The following REXO1 variants were observed in gnomAD, a reference collection of about 807,000 sequenced individuals.
REXO1 encodes the protein REX1, RNA exonuclease 1 homolog.
In REXO1, 42 loss-of-function variants were observed where a neutral mutation model predicts 102.6. The ratio of observed to expected loss-of-function variants is 0.41; its 90% CI spans 0.32 to 0.53. The LOEUF is 0.53. Ranked by LOEUF, REXO1 falls within the 20% of genes least tolerant of loss-of-function variation. The pLI, the probability that REXO1 is intolerant of heterozygous loss-of-function variation, is 0.27. For missense variants in REXO1, 1,819 were observed against 1,732.5 expected (o/e 1.05, Z -0.89); for synonymous variants, 908 against 779.1 (o/e 1.17, Z -2.76).
At chr19:1,837,943 T>C (rs1426536171) in intron 1 of REXO1, among the ~76,000 whole-genome samples, 1 of 152,204 alleles carries the variant, frequency 6.6e-6, no homozygotes, top group African/African-American at 2.4e-5. Context: ...CGCGCTGCTG[T>C]CCCAAGGCTT....
rs759397257 is a variant in REXO1 at position 1,828,347 on chromosome 19, C to T, written c.442G>A (p.Ala148Thr). 36 of 1,609,772 alleles carry T rather than the reference C, an allele frequency of 2.2e-5. No homozygotes were observed. The highest frequency in any genetic ancestry group is 2.8e-5 in the Non-Finnish European group (33 of 1,178,442). ...TGGCTGCCGGGGCTGTAGTCGAAGG[C>T]CAGTGGGAAGGCATCCTCGTCCGGG... is the stretch of plus-strand genomic sequence containing the variant. The part of the protein sequence containing the change: ...VGPDEDAFPL[A>T]FDYSPGSHGL... The change falls in exon 2 of 16, where the codon GCC becomes ACC. Residue 148 changes from alanine (A) to threonine (T), a missense_variant. Ala to Thr is a moderately conservative substitution (Grantham distance 58, BLOSUM62 0). Coordinates refer to ENST00000170168, the MANE Select transcript of REXO1 (RefSeq NM_020695.4).
At chr19:1,839,309 T>C (rs548962996) in intron 1 of REXO1, among the ~76,000 whole-genome samples, 1 of 151,828 alleles carries the variant, frequency 6.6e-6, no homozygotes, top group East Asian at 1.9e-4. Flanking sequence ...CAGGGCCTTT[T>C]CTGTCCCCAA....
rs1223500965 is a variant in REXO1 at position 1,816,072 on chromosome 19, C to G, written c.3660G>C (p.Lys1220Asn). The change falls in exon 16 of 16, where the codon AAG becomes AAC. Residue 1220 changes from lysine (K) to asparagine (N), a missense_variant. Physicochemically the swap from Lys to Asn is moderately conservative, Grantham distance 94 (BLOSUM62 0). Coordinates refer to ENST00000170168, the MANE Select transcript of REXO1 (RefSeq NM_020695.4). Reference protein sequence around the residue: ...IWKVREDAKTKR With the variant: ...IWKVREDAKTNR Reference sequence around the variant, plus strand: ...GGTGGGAGGCGGGCAGGCGTCATCGCTTGGTCTTGGCGTCTTCTCGAACCT... The same window carrying G: ...GGTGGGAGGCGGGCAGGCGTCATCGGTTGGTCTTGGCGTCTTCTCGAACCT... 7.1e-6 allele frequency: 11 copies of G among 1,544,090 alleles called. No homozygotes were observed. The highest frequency in any genetic ancestry group is 2.0e-5 in the Admixed American group (1 of 51,012).
At chr19:1,836,920 A>G (rs1250585293) in intron 1 of REXO1, among the ~76,000 whole-genome samples, 1 of 152,124 alleles carries the variant, frequency 6.6e-6, no homozygotes, top group East Asian at 1.9e-4. Context: ...CCCCAGATGG[A>G]AACAGACAGT....
intron 1 of REXO1, among the ~76,000 whole-genome samples, chr19:1,846,810 T>C (rs999715345): frequency 1.3e-5 from 2 of 152,174 alleles, no homozygotes; most frequent in African/African-American, 4.8e-5. Context: ...GGAGGATCCC[T>C]TGAGCCCAGG....
In REXO1 at chr19:1,815,400, G is replaced by C. The variant is rs2069331484; in HGVS notation, c.*666C>G. The C allele has an allele frequency of 6.1e-6, 1 of 164,844 alleles. No homozygotes were observed. Among genetic ancestry groups the C allele is most frequent in the African/African-American group, 2.4e-5 (1 of 41,502 alleles). The allele number at this position is 164,844 out of a possible 1,614,324, so 10.2% of individuals were successfully genotyped here. On this transcript the variant is annotated 3_prime_UTR_variant, in exon 16 of 16. Transcript: ENST00000170168. This position sits in a 1 kb window ranked among gnomAD's most constrained non-coding sequence, Gnocchi z 4.0. ...AGACGGCAGACCCTGGGGCTAACGA[G>C]GGGCCAGCTGGGTTCTCAGAGGTCA...
chr19:1,843,320 C>G (rs990813714), intron 1 of REXO1, among the ~76,000 whole-genome samples: 2 of 151,314 alleles, frequency 1.3e-5, no homozygotes, highest in African/African-American at 2.4e-5. Flanking sequence ...TTCAACCCCC[C>G]GCCCGGAGGG....
At chr19:1,818,996 C>A (rs2069453217) in intron 8 of REXO1, 22 bp downstream of exon 8, 1 of 1,590,678 alleles carries the variant, frequency 6.3e-7, no homozygotes, top group Non-Finnish European at 8.6e-7. Flanking sequence ...CACCGTGTGG[C>A]AGAGCAGGGG....
chr19:1,821,066 G>A (rs140448683), intron 5 of REXO1, among the ~76,000 whole-genome samples: 126 of 151,872 alleles, frequency 8.3e-4, no homozygotes, highest in African/African-American at 3.0e-3. Context: ...CCGCCAGGGC[G>A]GTCGGGCATG....
At chr19:1,821,955 A>T in intron 4 of REXO1, 1 of 541,868 alleles carries the variant, frequency 1.8e-6, no homozygotes, top group South Asian at 2.6e-5. Flanking sequence ...ACGTGTTCTG[A>T]CCCCAAGCCC....
chr19:1,827,278 G>A lies in REXO1; in HGVS notation c.1511C>T (p.Ala504Val). 1 of 1,563,416 alleles carries A rather than the reference G, an allele frequency of 6.4e-7. No homozygotes were observed. The highest frequency in any genetic ancestry group is 8.6e-7 in the Non-Finnish European group (1 of 1,161,376). The change falls in exon 2 of 16, where the codon GCC becomes GTC. Residue 504 changes from alanine (A) to valine (V), a missense_variant. Ala to Val is a moderately conservative substitution (Grantham distance 64). Coordinates refer to ENST00000170168, the MANE Select transcript of REXO1 (RefSeq NM_020695.4). ...CTTCAGCTTGGGGGCGTCCTGGGAG[G>A]CGCCCTCGTCTAGTGAGCGGGCTTT... ...ERKARSLDEG[A>V]SQDAPKLKKR...
In REXO1 at chr19:1,827,632, G is replaced by A. The variant is rs188172131; in HGVS notation, c.1157C>T (p.Ala386Val). The change falls in exon 2 of 16, where the codon GCC becomes GTC. Residue 386 changes from alanine (A) to valine (V), a missense_variant. Ala to Val is a moderately conservative substitution (Grantham distance 64, BLOSUM62 0). Coordinates refer to ENST00000170168, the MANE Select transcript of REXO1 (RefSeq NM_020695.4). Reference protein sequence around the residue: ...PKKKKTGAPPAPSCKDGAQGK... With the variant: ...PKKKKTGAPPVPSCKDGAQGK... ...CTGGGCCCCGTCTTTGCAGCTGGGGGCAGGTGGGGCCCCGGTTTTTTTCTT... is the reference window on the plus strand; with the variant it reads ...CTGGGCCCCGTCTTTGCAGCTGGGGACAGGTGGGGCCCCGGTTTTTTTCTT... 25 of 1,573,526 alleles carry A rather than the reference G, an allele frequency of 1.6e-5. 1 individual carries two copies. Among genetic ancestry groups the A allele is most frequent in the East Asian group, 1.6e-4 (7 of 44,722 alleles).
intron 12 of REXO1, 135 bp downstream of exon 12, chr19:1,817,084 A>C (rs1006345333): frequency 1.5e-5 from 16 of 1,096,596 alleles, no homozygotes; most frequent in African/African-American, 4.7e-5. Context: ...GGCAGGAGCC[A>C]CAGGCACCGG....
intron 4 of REXO1, chr19:1,823,212 A>T (rs1297141404): frequency 3.8e-6 from 1 of 262,534 alleles, no homozygotes; most frequent in Non-Finnish European, 7.2e-6. Context: ...CTCACACGCC[A>T]GGAGAAAGCC....
intron 1 of REXO1, among the ~76,000 whole-genome samples, chr19:1,843,452 C>T (rs1239971850): frequency 6.6e-6 from 1 of 152,184 alleles, no homozygotes; most frequent in Non-Finnish European, 1.5e-5. Flanking sequence ...AGCCCAGGGA[C>T]GCTGCTCAAC....
intron 1 of REXO1, among the ~76,000 whole-genome samples, chr19:1,833,651 G>A (rs12975656): frequency 0.38 from 57,085 of 152,054 alleles, 12,926 homozygotes; most frequent in Non-Finnish European, 0.52. Flanking sequence ...CAGCTCAAGG[G>A]CGCCCTCCCG....
intron 1 of REXO1, among the ~76,000 whole-genome samples, chr19:1,829,741 G>A (rs1211808405): frequency 6.6e-6 from 1 of 152,088 alleles, no homozygotes; most frequent in African/African-American, 2.4e-5. Flanking sequence ...CTGGGAGGCA[G>A]AGGTTTCGGT....
Position 1,827,192 on chromosome 19 carries a change from G to A in REXO1, c.1597C>T (p.Pro533Ser), listed in dbSNP as rs772966764. Reference sequence around the variant, plus strand: ...GAGGGCCACACGCTCGGCACCCCTGGCCCTGCGGCCTCGTCCTCACTCTCG... The same window carrying A: ...GAGGGCCACACGCTCGGCACCCCTGACCCTGCGGCCTCGTCCTCACTCTCG... ...GDESEDEAAG[P>S]GVPSVWPSAL... Residue 533 changes from proline to serine, a missense_variant, in exon 2 of 16, where the codon CCA becomes TCA. Transcript: ENST00000170168. 5.2e-6 allele frequency: 8 copies of A among 1,540,360 alleles called. No individual in the cohort carries two copies. In the African/African-American group the frequency reaches 8.2e-5, roughly 16 times the overall value.
intron 1 of REXO1, 74 bp downstream of exon 1, chr19:1,848,128 C>A: frequency 1.3e-6 from 1 of 763,890 alleles, no homozygotes. Context: ...ACGGGGACCC[C>A]GGGCGGGACC....
Sources: gnomAD v4.1 joint callset for allele counts (sites outside exome capture counted in the v4.1 genomes callset) on GRCh38, gnomAD v4.1.1 for gene constraint, Gnocchi (gnomAD v3.1) non-coding constraint, MANE v1.5 for transcripts, NCBI Gene and HGNC (gene_info 2026-07-23, HGNC 2026-07-21) for gene names.